The following MDH2 variants were observed in gnomAD, a reference collection of about 807,000 sequenced individuals.
MDH2 encodes the protein malate dehydrogenase, mitochondrial.
Under a neutral mutation model 33.6 loss-of-function variants are expected in MDH2, and 25 were observed. That is an observed-to-expected ratio of 0.74 (90% CI 0.54 to 1.04). The LOEUF is 1.04. Among genes scored for constraint, MDH2 ranks in the 50% least tolerant of loss-of-function variants. MDH2 has a pLI of 0.00. For synonymous variants in MDH2, 193 were observed against 188.7 expected, an observed-to-expected ratio of 1.02 and a Z score of -0.19; for missense variants, 432 against 445.0, an observed-to-expected ratio of 0.97 and a Z score of 0.26.
In MDH2 at chr7:76,066,259, C is replaced by T. The variant is rs377744651; in HGVS notation, c.886-20C>T. The T allele has an allele frequency of 6.9e-6, 11 of 1,601,110 alleles. No homozygotes were observed. Among genetic ancestry groups the T allele is most frequent in the African/African-American group, 1.4e-5 (1 of 73,756 alleles). On this transcript the variant is annotated intron_variant, in intron 8 of 8. Transcript: ENST00000315758. Reference sequence around the variant, plus strand: ...CACTTTCCTGGAAACTTCATTTTAACATGTTCCCATCTCCCTCAGAAAAAG... The same window carrying T: ...CACTTTCCTGGAAACTTCATTTTAATATGTTCCCATCTCCCTCAGAAAAAG...
chr7:76,056,092 T>G (rs1439855568), intron 2 of MDH2, among the ~76,000 whole-genome samples: 2 of 152,198 alleles, frequency 1.3e-5, no homozygotes, highest in African/African-American at 2.4e-5. Context: ...CCTCCCAAAG[T>G]GCTGGGATTA....
Position 76,048,523 on chromosome 7 carries a change from G to A in MDH2, c.66+297G>A, listed in dbSNP as rs532734640. 3.9e-5 allele frequency: 52 copies of A among 1,327,246 alleles called. No individual in the cohort carries two copies. Among genetic ancestry groups the A allele is most frequent in the Non-Finnish European group, 4.9e-5 (51 of 1,042,428 alleles). The allele number at this position is 1,327,246 out of a possible 1,614,324, so 82.2% of individuals were successfully genotyped here. A position where few individuals can be genotyped will look rare whatever the true frequency, so the allele number is the denominator to read the frequency against. ...TGCTCTTGGCTTGCACGCCTTCAAG[G>A]TTGGGAAACCAGGGCTCTGCATCTG... On this transcript the variant is annotated intron_variant, in intron 1 of 8. Coordinates refer to ENST00000315758, the MANE Select transcript of MDH2 (RefSeq NM_005918.4).
intron 1 of MDH2, chr7:76,048,987 G>GGC: frequency 5.3e-5 from 2 of 37,442 alleles, no homozygotes; most frequent in Non-Finnish European, 8.7e-5. Flanking sequence ...ACTGCGGGGG[G>GGC]GGGGGGGGGG....
Position 76,064,955 on chromosome 7 carries a change from T to C in MDH2, c.885+2T>C. ...TTCTCCACACCGCTGCTGCTTGGGGTACGTATCCAGGCGTGGGTCCTTCTG... is the reference window on the plus strand; with the variant it reads ...TTCTCCACACCGCTGCTGCTTGGGGCACGTATCCAGGCGTGGGTCCTTCTG... On this transcript the variant is annotated splice_donor_variant, in intron 8 of 8. Coordinates refer to ENST00000315758, the MANE Select transcript of MDH2 (RefSeq NM_005918.4). LOFTEE classifies it high-confidence loss of function. The C allele has an allele frequency of 6.2e-7, 1 of 1,614,096 alleles. No individual in the cohort carries two copies. The highest frequency in any genetic ancestry group is 8.5e-7 in the Non-Finnish European group (1 of 1,179,996).
chr7:76,057,589 G>A lies in MDH2; in HGVS notation c.319+96G>A, dbSNP rs571254466. 6.5e-5 allele frequency: 83 copies of A among 1,281,422 alleles called. 1 individual carries two copies. The South Asian group carries it at 1.0e-3, about 16-fold the overall frequency. 79.4% of individuals were successfully genotyped at this position (1,281,422 alleles called of 1,614,324 possible). On this transcript the variant is annotated intron_variant, in intron 3 of 8. Transcript: ENST00000315758. ...AAAATGGATTTAATCTGGTTGCTTT[G>A]TTGTAGGAAAAATGTCACCAGCTCC...
chr7:76,056,858 C>T (rs2116671118), intron 2 of MDH2, among the ~76,000 whole-genome samples: 1 of 152,082 alleles, frequency 6.6e-6, no homozygotes, highest in Admixed American at 6.6e-5. Context: ...ACTAAAAATA[C>T]AAAAATTAGC....
At chr7:76,058,445 G>A (rs184682849) in intron 4 of MDH2, among the ~76,000 whole-genome samples, 12 of 152,236 alleles carry the variant, frequency 7.9e-5, no homozygotes, top group South Asian at 2.1e-4. Flanking sequence ...CTACTTAGCC[G>A]GAAAAGTATG....
intron 4 of MDH2, among the ~76,000 whole-genome samples, chr7:76,059,825 A>G (rs1797893884): frequency 6.6e-6 from 1 of 152,190 alleles, no homozygotes; most frequent in South Asian, 2.1e-4. Flanking sequence ...AAACCTGGCC[A>G]TTCTGTCATC....
chr7:76,067,241 T>A lies in MDH2; in HGVS notation c.*831T>A, dbSNP rs1798118128. On this transcript the variant is annotated 3_prime_UTR_variant, in exon 9 of 9. Transcript: ENST00000315758. ...AGTCCGTTCCCCAGACACTGTGGCC[T>A]CTGAAGTGGAAACTGAAAGCTGCAT... The A allele has an allele frequency of 5.3e-5, 8 of 152,202 alleles. No homozygotes were observed. The South Asian group carries it at 1.7e-3, about 32-fold the overall frequency. 9.4% of individuals were successfully genotyped at this position (152,202 alleles called of 1,614,324 possible).
rs1563553651 is a variant in MDH2 at position 76,064,968 on chromosome 7, G to A, written c.885+15G>A. The A allele has an allele frequency of 6.2e-6, 10 of 1,613,856 alleles. No homozygotes were observed. Among genetic ancestry groups the A allele is most frequent in the African/African-American group, 1.3e-5 (1 of 74,922 alleles). ...TGCTGCTTGGGGTACGTATCCAGGC[G>A]TGGGTCCTTCTGACTGTGGAATAAG... On this transcript the variant is annotated intron_variant, in intron 8 of 8. Transcript: ENST00000315758.
At chr7:76,048,309 C>T (rs1797394508) in intron 1 of MDH2, 83 bp downstream of exon 1, 2 of 1,475,124 alleles carry the variant, frequency 1.4e-6, no homozygotes, top group Admixed American at 2.2e-5. Flanking sequence ...CAGCTCTGAC[C>T]CTCTCCAGGC....
intron 4 of MDH2, among the ~76,000 whole-genome samples, chr7:76,059,887 A>T (rs1037041928): frequency 6.6e-6 from 1 of 152,176 alleles, no homozygotes; most frequent in Non-Finnish European, 1.5e-5. Context: ...GAAGTCATTT[A>T]GTATTTATGA....
At chr7:76,065,290 C>G (rs1245890254) in intron 8 of MDH2, 3 of 217,176 alleles carry the variant, frequency 1.4e-5, no homozygotes, top group Non-Finnish European at 1.8e-5. Flanking sequence ...GCTCCTTGTT[C>G]ATCTTGTTCT....
chr7:76,056,923 G>C (rs189668523), intron 2 of MDH2, among the ~76,000 whole-genome samples: 1 of 151,972 alleles, frequency 6.6e-6, no homozygotes, highest in Admixed American at 6.6e-5. Context: ...TGAAACAGGA[G>C]AATCACATGA....
At chr7:76,059,941 G>T (rs185449134) in intron 4 of MDH2, among the ~76,000 whole-genome samples, 7 of 152,228 alleles carry the variant, frequency 4.6e-5, no homozygotes, top group East Asian at 1.9e-4. Context: ...AGAAAAAAAC[G>T]GGTCCCAGGG....
chr7:76,063,389 C>T (rs1563552076), intron 5 of MDH2, 126 bp from the exon 6 acceptor site: 1 of 852,854 alleles, frequency 1.2e-6, no homozygotes, highest in South Asian at 1.5e-5. Context: ...AGGGCCTCCT[C>T]CTAGCTGGCT....
intron 2 of MDH2, 68 bp from the exon 3 acceptor site, chr7:76,057,342 G>C (rs1186397173): frequency 1.1e-5 from 18 of 1,578,268 alleles, no homozygotes; most frequent in Non-Finnish European, 4.3e-6. Flanking sequence ...CTTAAGGCCA[G>C]GGCTGAACTT....
chr7:76,065,191 C>T, intron 8 of MDH2: 1 of 465,592 alleles, frequency 2.1e-6, no homozygotes, highest in Non-Finnish European at 3.9e-6. Flanking sequence ...AGCGGGTGCC[C>T]AGCAGCTGCA....
At chr7:76,059,904 G>A (rs1204362939) in intron 4 of MDH2, among the ~76,000 whole-genome samples, 1 of 152,172 alleles carries the variant, frequency 6.6e-6, no homozygotes, top group Non-Finnish European at 1.5e-5. Flanking sequence ...ATGACTTCAT[G>A]AGGTTGTCGT....
Sources: gnomAD v4.1 joint callset for allele counts (sites outside exome capture counted in the v4.1 genomes callset) on GRCh38, gnomAD v4.1.1 for gene constraint, MANE v1.5 for transcripts, NCBI Gene and HGNC (gene_info 2026-07-23, HGNC 2026-07-21) for gene names.